RABGAP1: variants seen among roughly 807,000 people sequenced by gnomAD.
RABGAP1 encodes rab GTPase-activating protein 1.
RABGAP1 carries 23 observed loss-of-function variants against 137.6 expected under a neutral mutation model. That is an observed-to-expected ratio of 0.17 (90% CI 0.12 to 0.24). The LOEUF (loss-of-function observed/expected upper bound fraction) is 0.24, where lower values mean the gene tolerates loss of function less well. Among genes scored for constraint, RABGAP1 ranks in the 10% least tolerant of loss-of-function variants. The pLI, the probability that RABGAP1 is intolerant of heterozygous loss-of-function variation, is 1.00. For synonymous variants in RABGAP1, 451 were observed against 450.7 expected (o/e 1.00, Z -0.01); for missense variants, 906 against 1,275.8 (o/e 0.71, Z 4.42).
intron 18 of RABGAP1, among the ~76,000 whole-genome samples, 174 bp downstream of exon 18, chr9:123,076,460 G>A (rs1413045885): frequency 6.6e-6 from 1 of 152,140 alleles, no homozygotes; most frequent in South Asian, 2.1e-4. Flanking sequence ...TTATAAAAGT[G>A]CTGGAAATCT....
chr9:123,040,569 C>G (rs2032904368), intron 13 of RABGAP1, among the ~76,000 whole-genome samples: 1 of 152,102 alleles, frequency 6.6e-6, no homozygotes, highest in East Asian at 1.9e-4. Flanking sequence ...CTTTGCAAGT[C>G]TTAGTAGTCT....
Position 122,957,124 on chromosome 9 carries a change from G to T in RABGAP1, c.65G>T (p.Ser22Ile), listed in dbSNP as rs770818528. 1 of 1,573,382 alleles carries T rather than the reference G, an allele frequency of 6.4e-7. No homozygotes were observed. Among genetic ancestry groups the T allele is most frequent in the East Asian group, 2.2e-5 (1 of 44,486 alleles). ...VSSDSVSTLN[S>I]EDFVLVSRQG... The stretch of plus-strand genomic sequence containing the variant: ...TCAGACTCAGTATCTACTCTTAATA[G>T]TGAAGATTTTGTCTTGGTTTCCAGG... Residue 22 changes from serine to isoleucine, a missense_variant, in exon 2 of 26, where the codon AGT becomes ATT. Ser to Ile is a moderately radical substitution (Grantham distance 142, BLOSUM62 -2). Around this residue, in one of 9 missense-constraint regions of RABGAP1, gnomAD observed 331 missense variants for 358.3 expected, o/e 0.92. Transcript: ENST00000373647.
Position 122,997,104 on chromosome 9 carries a change from A to G in RABGAP1, c.1102-155A>G, listed in dbSNP as rs1837062632. On this transcript the variant is annotated intron_variant, in intron 8 of 25. Coordinates refer to ENST00000373647, the MANE Select transcript of RABGAP1 (RefSeq NM_012197.4). ...CAGGACAGTTGCATAAATAATTGTCACATTTTTTACCATAAATGTAATCAT... is the reference window on the plus strand; with the variant it reads ...CAGGACAGTTGCATAAATAATTGTCGCATTTTTTACCATAAATGTAATCAT... The G allele has an allele frequency of 6.5e-6, 4 of 613,518 alleles. No homozygotes were observed. In the South Asian group the frequency reaches 8.5e-5, roughly 13 times the overall value. 38.0% of individuals were successfully genotyped at this position (613,518 alleles called of 1,614,324 possible). A position where few individuals can be genotyped will look rare whatever the true frequency, so the allele number is the denominator to read the frequency against.
intron 13 of RABGAP1, among the ~76,000 whole-genome samples, chr9:123,056,639 G>C (rs914213735): frequency 1.3e-5 from 2 of 151,708 alleles, no homozygotes; most frequent in African/African-American, 4.9e-5. Context: ...CTTCCGCAGT[G>C]TTTGTGTCCC....
Position 122,989,444 on chromosome 9 carries a change from C to T in RABGAP1, c.738C>T (p.His246=), listed in dbSNP as rs372283032. The change falls in exon 5 of 26, where the codon CAC becomes CAT. Residue 246 remains histidine, a synonymous_variant. Transcript: ENST00000373647. The part of the protein sequence containing the change: ...SHYNAELFRI[H]VFRCEIQEAV... ...ACAATGCAGAGCTCTTCAGAATACACGTCTTCCGGTGTGAAATACAAGAAG... is the reference window on the plus strand; with the variant it reads ...ACAATGCAGAGCTCTTCAGAATACATGTCTTCCGGTGTGAAATACAAGAAG... 15 of 1,613,854 alleles carry T rather than the reference C, an allele frequency of 9.3e-6. No homozygotes were observed. In the Middle Eastern group the frequency reaches 8.2e-4, roughly 88 times the overall value.
chr9:122,945,478 C>A (rs555076363), intron 1 of RABGAP1: 18 of 152,208 alleles, frequency 1.2e-4, no homozygotes, highest in African/African-American at 4.3e-4. Flanking sequence ...TCAGACTTTT[C>A]CCCCTAAATC....
intron 13 of RABGAP1, among the ~76,000 whole-genome samples, chr9:123,045,416 C>T (rs115394502): frequency 9.0e-4 from 137 of 152,176 alleles, no homozygotes; most frequent in African/African-American, 2.3e-3. Context: ...TCCCCTTCTT[C>T]GTGGTATGTA....
At chr9:123,028,061 A>G (rs754205758) in intron 13 of RABGAP1, among the ~76,000 whole-genome samples, 4 of 152,224 alleles carry the variant, frequency 2.6e-5, no homozygotes, top group Admixed American at 6.5e-5. Context: ...GACTGGAAAC[A>G]TATTTGGTTT....
At chr9:123,045,981 G>A (rs2033189803) in intron 13 of RABGAP1, among the ~76,000 whole-genome samples, 1 of 152,204 alleles carries the variant, frequency 6.6e-6, no homozygotes, top group African/African-American at 2.4e-5. Context: ...TCCAGGTCCT[G>A]CAAATTGGCA....
At position 123,020,467 on chromosome 9, in the gene RABGAP1, G is replaced by A. The variant is rs1271916174; in HGVS notation, c.1794+8G>A. The stretch of plus-strand genomic sequence containing the variant: ...CGCATTCTTATCACAAAGGTAAGGG[G>A]GTGATAATTCAGCTTCAGCATTAAT... On this transcript the variant is annotated splice_region_variant and intron_variant, in intron 13 of 25. Coordinates refer to ENST00000373647, the MANE Select transcript of RABGAP1 (RefSeq NM_012197.4). 1.3e-6 allele frequency: 2 copies of A among 1,546,642 alleles called. No individual in the cohort carries two copies. Among genetic ancestry groups the A allele is most frequent in the African/African-American group, 2.7e-5 (2 of 73,296 alleles).
intron 13 of RABGAP1, among the ~76,000 whole-genome samples, chr9:123,038,828 G>A (rs1028431877): frequency 6.6e-6 from 1 of 151,736 alleles, no homozygotes; most frequent in Non-Finnish European, 1.5e-5. Context: ...CGAGTCATTT[G>A]GCCTTTCTTC....
intron 13 of RABGAP1, among the ~76,000 whole-genome samples, chr9:123,022,219 T>C (rs1408920082): frequency 6.6e-6 from 1 of 152,216 alleles, no homozygotes; most frequent in African/African-American, 2.4e-5. Context: ...TCATAAGACA[T>C]GAAGTGTCTG....
chr9:122,963,777 G>C (rs1019583151), intron 2 of RABGAP1, among the ~76,000 whole-genome samples: 7 of 152,044 alleles, frequency 4.6e-5, no homozygotes, highest in Admixed American at 2.0e-4. Context: ...GAAATTAATG[G>C]AACAGAATAG....
At position 123,073,536 on chromosome 9, in the gene RABGAP1, T is replaced by C. The variant is rs2034422806; in HGVS notation, c.1984-16T>C. The C allele has an allele frequency of 1.2e-6, 2 of 1,604,788 alleles. No individual in the cohort carries two copies. The highest frequency in any genetic ancestry group is 1.7e-6 in the Non-Finnish European group (2 of 1,176,612). ...CCGCCATCCTCCCTACCCAACAACT[T>C]GCCTATCTGTTACAGATGCCTGAAG... On this transcript the variant is annotated splice_polypyrimidine_tract_variant and intron_variant, in intron 15 of 25. Coordinates refer to ENST00000373647, the MANE Select transcript of RABGAP1 (RefSeq NM_012197.4).
chr9:122,950,377 CTTTTTTTTTTTTTT>C (rs200424486), intron 1 of RABGAP1, among the ~76,000 whole-genome samples: 5 of 74,494 alleles, frequency 6.7e-5, no homozygotes, highest in African/African-American at 1.6e-4. Context: ...CTTTTTCTTT[CTTTTTTTTTTTTTT>C]TTTTTTTTGA....
At chr9:122,980,623 C>T (rs1835994027) in intron 2 of RABGAP1, among the ~76,000 whole-genome samples, 3 of 152,196 alleles carry the variant, frequency 2.0e-5, no homozygotes, top group African/African-American at 4.8e-5. Context: ...TAAACCATAG[C>T]TGTAAGGGAG....
intron 1 of RABGAP1, among the ~76,000 whole-genome samples, chr9:122,943,023 TAAAAA>T (rs200310242): frequency 0.012 from 1,741 of 141,766 alleles, 92 homozygotes; most frequent in Admixed American, 0.094. Context: ...AAATAAAAAA[TAAAAA>T]AACAACAAAA....
At chr9:123,001,547 C>T (rs971741603) in intron 10 of RABGAP1, among the ~76,000 whole-genome samples, 1 of 152,268 alleles carries the variant, frequency 6.6e-6, no homozygotes, top group Non-Finnish European at 1.5e-5. Flanking sequence ...TCCTAAGAGA[C>T]AAAGTAAAGC....
intron 19 of RABGAP1, 41 bp downstream of exon 19, chr9:123,076,803 T>TA: frequency 6.8e-7 from 1 of 1,479,784 alleles, no homozygotes; most frequent in Non-Finnish European, 9.1e-7. Flanking sequence ...GTTTTTCACT[T>TA]AGTGTCTCAC....
Sources: gnomAD v4.1 joint callset for allele counts (sites outside exome capture counted in the v4.1 genomes callset) on GRCh38, gnomAD v4.1.1 for gene constraint, gnomAD v4.1.1 regional missense constraint, MANE v1.5 for transcripts, NCBI Gene and HGNC (gene_info 2026-07-23, HGNC 2026-07-21) for gene names.